Variants in ANKS1A observed in about 807,000 individuals in gnomAD.
ANKS1A encodes ankyrin repeat and SAM domain-containing protein 1A.
Under a neutral mutation model 120.3 loss-of-function variants are expected in ANKS1A, and 55 were observed. That is an observed-to-expected ratio of 0.46 (90% CI 0.37 to 0.57). ANKS1A has a LOEUF of 0.57. Among genes scored for constraint, ANKS1A ranks in the 20% least tolerant of loss-of-function variants. The pLI, the probability that ANKS1A is intolerant of heterozygous loss-of-function variation, is 0.00. For missense variants in ANKS1A, 1,123 were observed against 1,480.3 expected (o/e 0.76, Z 3.96); for synonymous variants, 590 against 604.7 (o/e 0.98, Z 0.36).
At chr6:35,094,008 G>A (rs1297469291), downstream of ANKS1A, among the ~76,000 whole-genome samples, 1 of 152,230 alleles carries the variant, frequency 6.6e-6, no homozygotes, top group African/African-American at 2.4e-5. Context: ...AACTACAGGG[G>A]CAGCCGGGAG....
rs957934944 is a variant in ANKS1A at position 34,982,303 on chromosome 6, C to T, written c.732+317C>T. 6.6e-6 allele frequency among the ~76,000 whole-genome samples: 1 copy of T among 152,208 alleles called. No individual in the cohort carries two copies. Among genetic ancestry groups the T allele is most frequent in the African/African-American group, 2.4e-5 (1 of 41,444 alleles). ...ATGTGTTCCCACTGCCACCATTTAGCGCCTCCACAGTCTCATCAGCTTGAC... is the reference window on the plus strand; with the variant it reads ...ATGTGTTCCCACTGCCACCATTTAGTGCCTCCACAGTCTCATCAGCTTGAC... On this transcript the variant is annotated intron_variant, in intron 4 of 23. Coordinates refer to ENST00000360359, the MANE Select transcript of ANKS1A (RefSeq NM_015245.3). The surrounding 1 kb of genome is among the most constrained non-coding windows in gnomAD (Gnocchi z 4.9).
At position 35,077,540 on chromosome 6, in the gene ANKS1A, C is replaced by T. The variant is rs77069948; in HGVS notation, c.2185-1018C>T. Among the ~76,000 whole-genome samples, 69 of 152,350 alleles carry T rather than the reference C, an allele frequency of 4.5e-4. No individual in the cohort carries two copies. The East Asian group carries it at 0.012, about 27-fold the overall frequency. ...GACGTCCAGGAAGTGGCAGCAGCTG[C>T]AACTGCGAGGGCCTCCATGGCTGAG... On this transcript the variant is annotated intron_variant, in intron 13 of 23. Coordinates refer to ENST00000360359, the MANE Select transcript of ANKS1A (RefSeq NM_015245.3).
intron 10 of ANKS1A, among the ~76,000 whole-genome samples, chr6:34,995,693 C>T (rs1772812800): frequency 6.6e-6 from 1 of 152,200 alleles, no homozygotes; most frequent in African/African-American, 2.4e-5. Context: ...GCCCCTTTCA[C>T]TTCGCTAATA....
chr6:34,967,773 ATTCAGCATTTCT>A (rs1341666640), intron 2 of ANKS1A, among the ~76,000 whole-genome samples: 5 of 152,168 alleles, frequency 3.3e-5, no homozygotes, highest in African/African-American at 1.2e-4. Flanking sequence ...AGTTCAGTTC[ATTCAGCATTTCT>A]GTGTCTTTCT....
intron 11 of ANKS1A, among the ~76,000 whole-genome samples, chr6:35,032,462 G>C (rs1175059033): frequency 6.6e-6 from 1 of 152,218 alleles, no homozygotes; most frequent in Non-Finnish European, 1.5e-5. Context: ...GACCTTTCCA[G>C]AGTAGTAATC....
At chr6:35,072,545 G>A (rs1777135082) in intron 13 of ANKS1A, among the ~76,000 whole-genome samples, 1 of 152,228 alleles carries the variant, frequency 6.6e-6, no homozygotes, top group Non-Finnish European at 1.5e-5. Context: ...TTCTTCCAGA[G>A]TCAGGCTGGC....
downstream of ANKS1A, among the ~76,000 whole-genome samples, chr6:35,094,458 A>G (rs1053424930): frequency 4.0e-5 from 6 of 151,588 alleles, no homozygotes; most frequent in African/African-American, 9.7e-5. Flanking sequence ...AAAAAAAAAG[A>G]TATCAGCACC....
intron 11 of ANKS1A, among the ~76,000 whole-genome samples, chr6:35,052,499 C>G (rs1360617663): frequency 1.3e-5 from 2 of 150,438 alleles, no homozygotes; most frequent in African/African-American, 4.9e-5. Flanking sequence ...TGGCACCTAC[C>G]TGTCGTCGTC....
downstream of ANKS1A, among the ~76,000 whole-genome samples, chr6:35,095,137 AT>A (rs1778420547): frequency 1.1e-5 from 1 of 94,202 alleles, no homozygotes. Context: ...TGAGACCCCC[AT>A]CTCAAAAAAA....
In ANKS1A at chr6:35,060,960, T is replaced by C. The variant is rs1448757609; in HGVS notation, c.2184+707T>C. ...GTCACTGTCCCTCTCTTGGAAGCCC[T>C]TCTAGAGGCATCTGCATGCGCCGGG... On this transcript the variant is annotated intron_variant, in intron 13 of 23. Transcript: ENST00000360359. The surrounding 1 kb of genome is among the most constrained non-coding windows in gnomAD (Gnocchi z 4.5). 2.0e-5 allele frequency among the ~76,000 whole-genome samples: 3 copies of C among 152,230 alleles called. No homozygotes were observed. The highest frequency in any genetic ancestry group is 4.4e-5 in the Non-Finnish European group (3 of 68,042).
rs762984342 is a variant in ANKS1A, at chr6:35,081,181, G to A, written c.2709+23G>A. The A allele has an allele frequency of 3.8e-6, 6 of 1,592,946 alleles. 1 individual carries two copies. The highest frequency in any genetic ancestry group is 3.4e-5 in the South Asian group (3 of 89,490). ...CAGGTGGGGCAGGGGGAGTGGAGGT[G>A]CAGCCAGGCTCTACCTCATTCCTCT... On this transcript the variant is annotated intron_variant, in intron 17 of 23. Transcript: ENST00000360359.
At chr6:35,054,236 C>T (rs1776098834) in intron 12 of ANKS1A, 71 bp downstream of exon 12, 5 of 1,449,464 alleles carry the variant, frequency 3.4e-6, no homozygotes, top group Middle Eastern at 3.5e-4. Flanking sequence ...AGGCTTTCCT[C>T]TAACACAGAA....
At chr6:35,021,984 TAAA>T (rs35470171) in intron 11 of ANKS1A, among the ~76,000 whole-genome samples, 3 of 136,082 alleles carry the variant, frequency 2.2e-5, no homozygotes, top group East Asian at 2.1e-4. Flanking sequence ...AGACTCTGTC[TAAA>T]AAAAAAAAAA....
At chr6:34,895,314 ATT>A (rs1767019078) in intron 1 of ANKS1A, among the ~76,000 whole-genome samples, 1 of 151,240 alleles carries the variant, frequency 6.6e-6, no homozygotes, top group Non-Finnish European at 1.5e-5. Flanking sequence ...CTCCTGAGCT[ATT>A]GGGACTGCAG....
intron 1 of ANKS1A, among the ~76,000 whole-genome samples, chr6:34,896,715 G>A (rs549838932): frequency 1.3e-3 from 202 of 152,110 alleles, no homozygotes; most frequent in South Asian, 5.0e-3. Context: ...CTGTAATCCC[G>A]GCACTTTGGG....
chr6:34,923,296 C>T (rs537536917), intron 1 of ANKS1A, among the ~76,000 whole-genome samples: 94 of 152,260 alleles, frequency 6.2e-4, no homozygotes, highest in African/African-American at 2.2e-3. Context: ...AGAATACTGA[C>T]TTTAAAAGTT....
chr6:35,051,311 T>C (rs1390211309), intron 11 of ANKS1A, among the ~76,000 whole-genome samples: 1 of 152,230 alleles, frequency 6.6e-6, no homozygotes, highest in African/African-American at 2.4e-5. Flanking sequence ...GCGAGGGTGC[T>C]CAACTCTGTT....
chr6:34,941,593 T>A (rs1025213674), intron 1 of ANKS1A, among the ~76,000 whole-genome samples: 2 of 152,196 alleles, frequency 1.3e-5, no homozygotes, highest in African/African-American at 4.8e-5. Context: ...TGACATTAAT[T>A]GAGTTTTTAT....
intron 1 of ANKS1A, among the ~76,000 whole-genome samples, chr6:34,934,292 C>T (rs539810384): frequency 2.6e-5 from 4 of 152,208 alleles, no homozygotes; most frequent in African/African-American, 4.8e-5. Flanking sequence ...GGACTACAGG[C>T]GCCCACCACC....
Sources: gnomAD v4.1 joint callset for allele counts (sites outside exome capture counted in the v4.1 genomes callset) on GRCh38, gnomAD v4.1.1 for gene constraint, Gnocchi (gnomAD v3.1) non-coding constraint, MANE v1.5 for transcripts, NCBI Gene and HGNC (gene_info 2026-07-23, HGNC 2026-07-21) for gene names.